MICU2: variants seen among roughly 807,000 people sequenced by gnomAD.
MICU2 encodes the protein calcium uptake protein 2, mitochondrial.
A neutral mutation model predicts 60.4 loss-of-function variants in MICU2; 64 were observed. The ratio of observed to expected loss-of-function variants is 1.06; its 90% confidence interval spans 0.87 to 1.31. The LOEUF is 1.31. Ranked by LOEUF, MICU2 falls within the 50% of genes most tolerant of loss-of-function variation. MICU2 has a pLI of 0.00. For missense variants in MICU2, 569 were observed against 531.0 expected (o/e 1.07, Z -0.70); for synonymous variants, 201 against 175.0 (o/e 1.15, Z -1.17).
rs576957028 is a variant in MICU2 at position 21,493,239 on chromosome 13, A to G, written c.*10T>C. 83 of 1,568,312 alleles carry G rather than the reference A, an allele frequency of 5.3e-5. No homozygotes were observed. The highest frequency in any genetic ancestry group is 2.3e-4 in the South Asian group (20 of 86,894). ...GGAACAATATAATTGCCATACTATT[A>G]TATCTTTTATTAAAAAAGACCTTTT... On this transcript the variant is annotated 3_prime_UTR_variant, in exon 12 of 12. Transcript: ENST00000382374.
chr13:21,566,545 A>G (rs1229528931), intron 2 of MICU2, among the ~76,000 whole-genome samples: 3 of 151,914 alleles, frequency 2.0e-5, no homozygotes, highest in African/African-American at 7.2e-5. Flanking sequence ...AGTAATTACT[A>G]ATGACATATT....
At chr13:21,533,426 C>T (rs770971217) in intron 4 of MICU2, among the ~76,000 whole-genome samples, 9 of 151,644 alleles carry the variant, frequency 5.9e-5, no homozygotes, top group African/African-American at 9.7e-5. Flanking sequence ...CGGGTTCACG[C>T]CATTCCCCTG....
chr13:21,548,065 C>T (rs558245903), intron 2 of MICU2, among the ~76,000 whole-genome samples: 6 of 152,204 alleles, frequency 3.9e-5, no homozygotes, highest in African/African-American at 1.4e-4. Flanking sequence ...GACAAATGTT[C>T]TACCATTAGG....
intron 1 of MICU2, among the ~76,000 whole-genome samples, chr13:21,597,167 G>A (rs1275828470): frequency 2.0e-5 from 3 of 152,144 alleles, no homozygotes; most frequent in Admixed American, 2.0e-4. Flanking sequence ...TTAAACTTCA[G>A]AGACAAAGGT....
chr13:21,568,683 A>G (rs1566164104), intron 1 of MICU2, among the ~76,000 whole-genome samples: 1 of 152,292 alleles, frequency 6.6e-6, no homozygotes, highest in East Asian at 1.9e-4. Context: ...GTGCCATAAC[A>G]AGATAGGCCA....
intron 2 of MICU2, among the ~76,000 whole-genome samples, chr13:21,565,242 C>T (rs894837332): frequency 1.3e-5 from 2 of 152,162 alleles, no homozygotes; most frequent in African/African-American, 4.8e-5. Flanking sequence ...AATAAAAGAA[C>T]CTAGGCTGGG....
intron 1 of MICU2, among the ~76,000 whole-genome samples, chr13:21,575,493 T>A (rs7334482): frequency 2.6e-5 from 4 of 150,976 alleles, no homozygotes; most frequent in African/African-American, 9.7e-5. Flanking sequence ...GAGGCCAAAG[T>A]GGGAGGATCC....
chr13:21,567,201 G>A (rs1210944015), intron 1 of MICU2, among the ~76,000 whole-genome samples: 4 of 152,132 alleles, frequency 2.6e-5, no homozygotes, highest in African/African-American at 7.2e-5. Context: ...AATGTAAAAC[G>A]GTAAGAAGTA....
At chr13:21,498,369 CTTTTTTT>C (rs34890922) in intron 9 of MICU2, among the ~76,000 whole-genome samples, 109 of 78,546 alleles carry the variant, frequency 1.4e-3, no homozygotes, top group African/African-American at 5.7e-3. Context: ...ATATCCTATT[CTTTTTTT>C]TTTTTTTTTT....
rs190849948 is a variant in MICU2 at position 21,597,378 on chromosome 13, T to C, written c.210+6561A>G. On this transcript the variant is annotated intron_variant, in intron 1 of 11. Coordinates refer to ENST00000382374, the MANE Select transcript of MICU2 (RefSeq NM_152726.3). Reference sequence around the variant, plus strand: ...GGCTCTAAGTGTGTAATTTAATATATCTGGGACAGTTAGTAACTTAGCTGA... The same window carrying C: ...GGCTCTAAGTGTGTAATTTAATATACCTGGGACAGTTAGTAACTTAGCTGA... Among the ~76,000 whole-genome samples, 652 of 152,320 alleles carry C rather than the reference T, an allele frequency of 4.3e-3. 5 individuals are homozygous for C. The highest frequency in any genetic ancestry group is 0.015 in the African/African-American group (616 of 41,568).
chr13:21,558,034 A>C (rs1697900522), intron 2 of MICU2, among the ~76,000 whole-genome samples: 1 of 152,174 alleles, frequency 6.6e-6, no homozygotes, highest in African/African-American at 2.4e-5. Context: ...ATATTTCATA[A>C]TATTTTGTTA....
intron 4 of MICU2, among the ~76,000 whole-genome samples, chr13:21,537,739 C>G (rs1887169101): frequency 6.6e-6 from 1 of 152,116 alleles, no homozygotes; most frequent in Admixed American, 6.5e-5. Context: ...AATGGCCTCC[C>G]AAAGTGCTGG....
intron 1 of MICU2, among the ~76,000 whole-genome samples, chr13:21,570,989 C>A (rs2138045084): frequency 6.6e-6 from 1 of 152,266 alleles, no homozygotes; most frequent in South Asian, 2.1e-4. Context: ...TTAATCTGTT[C>A]TTTTCCTTTC....
At chr13:21,568,865 G>C (rs941092605) in intron 1 of MICU2, among the ~76,000 whole-genome samples, 2 of 151,422 alleles carry the variant, frequency 1.3e-5, no homozygotes. Context: ...CTTCTAGGAG[G>C]TTTAGACCCC....
chr13:21,517,640 A>C (rs1886602404), intron 6 of MICU2, among the ~76,000 whole-genome samples: 1 of 151,904 alleles, frequency 6.6e-6, no homozygotes, highest in Non-Finnish European at 1.5e-5. Context: ...AGCTGGGCAC[A>C]GTGGGACATG....
chr13:21,594,676 T>C (rs991456670), intron 1 of MICU2, among the ~76,000 whole-genome samples: 2 of 152,274 alleles, frequency 1.3e-5, no homozygotes, highest in Non-Finnish European at 2.9e-5. Flanking sequence ...GGTACATATA[T>C]ACCATACAAT....
chr13:21,577,172 C>G (rs1383674538), intron 1 of MICU2, among the ~76,000 whole-genome samples: 1 of 152,188 alleles, frequency 6.6e-6, no homozygotes, highest in South Asian at 2.1e-4. Context: ...CAAGATTTTC[C>G]TAAAACAGAT....
At chr13:21,589,739 T>C (rs1309170036) in intron 1 of MICU2, among the ~76,000 whole-genome samples, 3 of 152,116 alleles carry the variant, frequency 2.0e-5, no homozygotes, top group Non-Finnish European at 2.9e-5. Context: ...ATGATTCTGA[T>C]CACCTGTTCT....
intron 1 of MICU2, among the ~76,000 whole-genome samples, chr13:21,593,571 CAAAAAA>C (rs71093338): frequency 3.6e-3 from 228 of 63,030 alleles, no homozygotes; most frequent in Admixed American, 0.014. Context: ...CAATCCTAAG[CAAAAAA>C]AAAAAAAAAA....
Sources: gnomAD v4.1 joint callset for allele counts (sites outside exome capture counted in the v4.1 genomes callset) on GRCh38, gnomAD v4.1.1 for gene constraint, MANE v1.5 for transcripts, NCBI Gene and HGNC (gene_info 2026-07-23, HGNC 2026-07-21) for gene names.